The following OPCML variants were observed in gnomAD, a reference collection of about 807,000 sequenced individuals.
OPCML encodes opioid-binding protein/cell adhesion molecule.
In OPCML, 13 loss-of-function variants were observed where a neutral mutation model predicts 37.8. The observed-to-expected ratio is 0.34, with a 90% CI of 0.22 to 0.55. The LOEUF (loss-of-function observed/expected upper bound fraction) is 0.55, where lower values mean the gene tolerates loss of function less well. Ranked by LOEUF, OPCML falls within the 20% of genes least tolerant of loss-of-function variation. The probability of loss-of-function intolerance (pLI) is 0.91; values close to 1 mark genes in which losing one functional copy is unlikely to be tolerated. For synonymous variants in OPCML, 176 were observed against 168.8 expected, an observed-to-expected ratio of 1.04 and a Z score of -0.33; for missense variants, 341 against 435.6, an observed-to-expected ratio of 0.78 and a Z score of 1.93.
chr11:132,699,578 C>CT (rs1189483448), intron 2 of OPCML, among the ~76,000 whole-genome samples: 1 of 151,862 alleles, frequency 6.6e-6, no homozygotes, highest in Admixed American at 6.6e-5. Context: ...ATTTTGTCAC[C>CT]TTTTTTCTGA....
chr11:133,390,909 G>A (rs968392855), intron 1 of OPCML, among the ~76,000 whole-genome samples: 2 of 152,146 alleles, frequency 1.3e-5, no homozygotes, highest in Non-Finnish European at 2.9e-5. Flanking sequence ...AAACTTCAAT[G>A]GCTCCCAGTG....
intron 3 of OPCML, among the ~76,000 whole-genome samples, chr11:132,587,061 G>T (rs1029719851): frequency 3.3e-5 from 5 of 152,184 alleles, no homozygotes; most frequent in African/African-American, 9.7e-5. Context: ...ATAGAAAGCT[G>T]CTCTGCAGCC....
intron 1 of OPCML, among the ~76,000 whole-genome samples, chr11:133,224,060 C>T (rs1180893439): frequency 2.6e-5 from 4 of 152,154 alleles, no homozygotes; most frequent in Non-Finnish European, 4.4e-5. Context: ...GACTCATTTG[C>T]AAGAACTGCC....
intron 2 of OPCML, among the ~76,000 whole-genome samples, chr11:132,843,248 C>T (rs1200503831): frequency 1.3e-5 from 2 of 152,018 alleles, no homozygotes; most frequent in African/African-American, 4.8e-5. Context: ...TCATGTGCCA[C>T]CATGCCCAGT....
intron 1 of OPCML, among the ~76,000 whole-genome samples, chr11:133,429,862 T>C (rs1273264795): frequency 1.3e-5 from 2 of 152,174 alleles, no homozygotes; most frequent in Non-Finnish European, 2.9e-5. Flanking sequence ...GAGAAGGTTG[T>C]TGTATTAATA....
At chr11:132,677,919 A>T (rs1157454175) in intron 2 of OPCML, among the ~76,000 whole-genome samples, 1 of 152,198 alleles carries the variant, frequency 6.6e-6, no homozygotes, top group Non-Finnish European at 1.5e-5. Context: ...CATTAAAATT[A>T]AAAAATTCTG....
At chr11:132,628,504 A>ACCT in intron 3 of OPCML, among the ~76,000 whole-genome samples, 1 of 152,268 alleles carries the variant, frequency 6.6e-6, no homozygotes, top group South Asian at 2.1e-4. Context: ...TTTCAGAAAT[A>ACCT]GGAAAGGACT....
intron 1 of OPCML, among the ~76,000 whole-genome samples, chr11:133,275,750 C>T (rs1219979008): frequency 6.6e-6 from 1 of 152,168 alleles, no homozygotes; most frequent in East Asian, 1.9e-4. Context: ...CAGAAAGGCG[C>T]CTGGCACATG....
intron 1 of OPCML, among the ~76,000 whole-genome samples, chr11:133,158,295 A>G (rs1471364022): frequency 6.6e-6 from 1 of 152,232 alleles, no homozygotes; most frequent in Non-Finnish European, 1.5e-5. Context: ...ATATAATGAG[A>G]GGCTTAGTTG....
At chr11:133,227,107 T>A (rs1199849420) in intron 1 of OPCML, among the ~76,000 whole-genome samples, 1 of 152,160 alleles carries the variant, frequency 6.6e-6, no homozygotes, top group African/African-American at 2.4e-5. Context: ...TCACCAGCCT[T>A]CGCCCCTGCA....
At chr11:133,260,304 A>G (rs770853230) in intron 1 of OPCML, among the ~76,000 whole-genome samples, 3 of 152,130 alleles carry the variant, frequency 2.0e-5, no homozygotes, top group Non-Finnish European at 2.9e-5. Context: ...CTATTACTCA[A>G]AATGAGGCAG....
intron 2 of OPCML, among the ~76,000 whole-genome samples, chr11:132,681,752 G>A (rs540592283): frequency 2.0e-5 from 3 of 151,992 alleles, no homozygotes; most frequent in Non-Finnish European, 4.4e-5. Context: ...TCAGGAGATC[G>A]AGACCATCCT....
At chr11:132,948,854 C>G (rs190251126) in intron 1 of OPCML, among the ~76,000 whole-genome samples, 311 of 152,216 alleles carry the variant, frequency 2.0e-3, no homozygotes, top group Non-Finnish European at 2.8e-3. Context: ...TATAAATGCC[C>G]TATGTACAAA....
chr11:133,003,895 A>T (rs947878912), intron 1 of OPCML: 3 of 985,310 alleles, frequency 3.0e-6, no homozygotes, highest in Non-Finnish European at 3.6e-6. Flanking sequence ...AGTTGTCAGG[A>T]TCCCCGCCAA....
chr11:133,056,449 G>T (rs774122970), intron 1 of OPCML, among the ~76,000 whole-genome samples: 1 of 152,180 alleles, frequency 6.6e-6, no homozygotes, highest in Non-Finnish European at 1.5e-5. Flanking sequence ...ATCTCTAATC[G>T]TGGAGAGAAT....
chr11:132,963,023 G>A (rs1364998868), intron 1 of OPCML, among the ~76,000 whole-genome samples: 2 of 152,090 alleles, frequency 1.3e-5, no homozygotes, highest in East Asian at 3.9e-4. Context: ...CAGCCGTGAA[G>A]CCTGACGTGA....
chr11:132,482,644 T>C (rs1285722643), intron 4 of OPCML, among the ~76,000 whole-genome samples: 2 of 152,190 alleles, frequency 1.3e-5, no homozygotes, highest in African/African-American at 4.8e-5. Context: ...CCAATATCCT[T>C]GATGAACATT....
chr11:132,531,002 G>T (rs1411659028), intron 3 of OPCML, among the ~76,000 whole-genome samples: 1 of 152,100 alleles, frequency 6.6e-6, no homozygotes, highest in Non-Finnish European at 1.5e-5. Context: ...CTCTTCTGCT[G>T]CATTTTGTTT....
intron 2 of OPCML, among the ~76,000 whole-genome samples, chr11:132,806,915 G>A (rs1280311472): frequency 6.6e-6 from 1 of 152,014 alleles, no homozygotes; most frequent in Admixed American, 6.6e-5. Context: ...CAACAAAAAA[G>A]CACACATTTC....
Sources: gnomAD v4.1 joint callset for allele counts (sites outside exome capture counted in the v4.1 genomes callset) on GRCh38, gnomAD v4.1.1 for gene constraint, MANE v1.5 for transcripts, NCBI Gene and HGNC (gene_info 2026-07-23, HGNC 2026-07-21) for gene names.